The following NEK7 variants were observed in gnomAD, a reference collection of about 807,000 sequenced individuals.
The protein encoded by NEK7 is serine/threonine-protein kinase Nek7.
In NEK7, 18 loss-of-function variants were observed where a neutral mutation model predicts 44.6. The ratio of observed to expected loss-of-function variants is 0.40; its 90% CI spans 0.28 to 0.60. The LOEUF is 0.60. Ranked by LOEUF, NEK7 falls within the 20% of genes least tolerant of loss-of-function variation. The pLI is 0.38. For missense variants in NEK7, 256 were observed against 366.5 expected, an observed-to-expected ratio of 0.70 and a Z score of 2.46; for synonymous variants, 130 against 121.1, an observed-to-expected ratio of 1.07 and a Z score of -0.48.
At chr1:198,169,181 G>A (rs1382469448) in intron 1 of NEK7, among the ~76,000 whole-genome samples, 1 of 152,166 alleles carries the variant, frequency 6.6e-6, no homozygotes, top group Non-Finnish European at 1.5e-5. Flanking sequence ...TATAACTGCT[G>A]CACAGTAGTA....
intron 9 of NEK7, among the ~76,000 whole-genome samples, chr1:198,311,763 C>T (rs1411250988): frequency 2.0e-5 from 3 of 152,168 alleles, no homozygotes; most frequent in Non-Finnish European, 4.4e-5. Flanking sequence ...TATGTTGAAC[C>T]AGCCTTGCAT....
intron 9 of NEK7, among the ~76,000 whole-genome samples, chr1:198,316,072 A>G (rs1655359198): frequency 6.6e-6 from 1 of 152,236 alleles, no homozygotes; most frequent in East Asian, 1.9e-4. Flanking sequence ...ATAAACCTCC[A>G]AAAGAAACTA....
intron 1 of NEK7, among the ~76,000 whole-genome samples, chr1:198,213,372 C>T (rs1404233050): frequency 6.6e-6 from 1 of 152,152 alleles, no homozygotes; most frequent in East Asian, 1.9e-4. Context: ...TCTACCCCAA[C>T]AGTCAGGAAG....
In NEK7 at chr1:198,224,063, G is replaced by T. The variant is rs77328567; in HGVS notation, c.-28-8490G>T. Among the ~76,000 whole-genome samples, 387 of 152,218 alleles carry T rather than the reference G, an allele frequency of 2.5e-3. 2 individuals carry two copies. The highest frequency in any genetic ancestry group is 6.1e-3 in the Admixed American group (94 of 15,292). The stretch of plus-strand genomic sequence containing the variant: ...GTATAGTATGAAAGAAGAATACAAT[G>T]ATATGAAATGGTTATTGAAATACTT... On this transcript the variant is annotated intron_variant, in intron 1 of 9. Transcript: ENST00000367385.
intron 3 of NEK7, among the ~76,000 whole-genome samples, chr1:198,260,818 A>G (rs1653437167): frequency 6.6e-6 from 1 of 152,226 alleles, no homozygotes; most frequent in South Asian, 2.1e-4. Flanking sequence ...ATCATTTTAT[A>G]TACTGCTATT....
At chr1:198,313,845 G>A (rs532436170) in intron 9 of NEK7, among the ~76,000 whole-genome samples, 56 of 152,012 alleles carry the variant, frequency 3.7e-4, no homozygotes, top group Non-Finnish European at 5.6e-4. Context: ...AGGGTAACTC[G>A]ACCTTTCTCT....
intron 9 of NEK7, among the ~76,000 whole-genome samples, chr1:198,306,171 G>A (rs531197598): frequency 2.4e-4 from 36 of 152,156 alleles, no homozygotes; most frequent in African/African-American, 7.0e-4. Context: ...GCATAGAGTC[G>A]TTCATAAATA....
chr1:198,210,172 G>A (rs527410897), intron 1 of NEK7, among the ~76,000 whole-genome samples: 25 of 152,132 alleles, frequency 1.6e-4, no homozygotes, highest in South Asian at 1.2e-3. Context: ...ATAGCTTACC[G>A]TAACTTTAAA....
intron 9 of NEK7, among the ~76,000 whole-genome samples, chr1:198,317,883 T>TTTTA (rs1553258432): frequency 4.7e-5 from 2 of 42,810 alleles, no homozygotes; most frequent in Non-Finnish European, 7.0e-5. Flanking sequence ...ATTTATTTTT[T>TTTTA]TTTTTTTTTT....
At chr1:198,174,099 G>T (rs543298729) in intron 1 of NEK7, among the ~76,000 whole-genome samples, 16 of 152,296 alleles carry the variant, frequency 1.1e-4, no homozygotes, top group African/African-American at 3.9e-4. Flanking sequence ...CTTAGCAGCT[G>T]CCTAGGTTAA....
intron 1 of NEK7, among the ~76,000 whole-genome samples, chr1:198,175,183 A>T (rs1057364652): frequency 3.3e-5 from 5 of 151,310 alleles, no homozygotes; most frequent in African/African-American, 1.2e-4. Context: ...GTAGGTATGC[A>T]AAAAATATTT....
At position 198,311,432 on chromosome 1, in the gene NEK7, C is replaced by T. The variant is rs1253321354; in HGVS notation, c.799-7980C>T. ...TTCCTAATTGAATACCCTTTATTTC[C>T]TTCTCCTGCCTAATTGCCCTGGCCA... is the stretch of plus-strand genomic sequence containing the variant. On this transcript the variant is annotated intron_variant, in intron 9 of 9. Coordinates refer to ENST00000367385, the MANE Select transcript of NEK7 (RefSeq NM_133494.3). Among the ~76,000 whole-genome samples the T allele has an allele frequency of 4.0e-5, 6 of 151,650 alleles. No individual in the cohort carries two copies. The East Asian group carries it at 9.7e-4, about 24-fold the overall frequency.
At chr1:198,219,531 T>G (rs570714273) in intron 1 of NEK7, among the ~76,000 whole-genome samples, 243 of 151,200 alleles carry the variant, frequency 1.6e-3, no homozygotes, top group Non-Finnish European at 2.7e-3. Context: ...CAGTGTGAGT[T>G]AATGGACATT....
chr1:198,234,932 G>A (rs1428599902), intron 2 of NEK7, among the ~76,000 whole-genome samples: 1 of 152,158 alleles, frequency 6.6e-6, no homozygotes, highest in Non-Finnish European at 1.5e-5. Context: ...TGCTTATTAA[G>A]TCTTTGAAAA....
intron 3 of NEK7, among the ~76,000 whole-genome samples, chr1:198,255,238 A>G (rs1040453289): frequency 1.3e-5 from 2 of 152,152 alleles, no homozygotes; most frequent in African/African-American, 4.8e-5. Context: ...TCTCAAGTAG[A>G]GTAACAATCT....
intron 2 of NEK7, among the ~76,000 whole-genome samples, chr1:198,240,041 G>T (rs1036976051): frequency 1.1e-4 from 17 of 152,074 alleles, no homozygotes; most frequent in African/African-American, 3.9e-4. Context: ...TAATCTTATG[G>T]CCAGACATTC....
chr1:198,198,992 A>G (rs976944634), intron 1 of NEK7, among the ~76,000 whole-genome samples: 1 of 152,136 alleles, frequency 6.6e-6, no homozygotes, highest in Admixed American at 6.5e-5. Flanking sequence ...ACTTCCACCT[A>G]CCATCAGTAA....
At chr1:198,199,153 A>G (rs1665339173) in intron 1 of NEK7, among the ~76,000 whole-genome samples, 1 of 152,234 alleles carries the variant, frequency 6.6e-6, no homozygotes, top group Non-Finnish European at 1.5e-5. Flanking sequence ...TTATTGTATA[A>G]TGCTTTTGGG....
intron 2 of NEK7, among the ~76,000 whole-genome samples, chr1:198,235,795 G>A (rs1666530297): frequency 6.6e-6 from 1 of 151,974 alleles, no homozygotes; most frequent in Non-Finnish European, 1.5e-5. Flanking sequence ...ATGATCAGAG[G>A]CCTAGGTTAT....
Sources: allele counts gnomAD v4.1 joint callset (sites outside exome capture counted in the v4.1 genomes callset), GRCh38; gene constraint gnomAD v4.1.1; transcripts MANE v1.5; gene names NCBI Gene and HGNC (gene_info 2026-07-23, HGNC 2026-07-21).